Variants in KLHL29 observed in about 807,000 individuals in gnomAD.
KLHL29 encodes kelch like family member 29.
KLHL29 carries 21 observed loss-of-function variants against 80.4 expected under a neutral mutation model. That is an observed-to-expected ratio of 0.26 (90% CI 0.19 to 0.38). The LOEUF is 0.38. KLHL29 is among the 10% of genes least tolerant of loss of function. KLHL29 has a pLI of 1.00. For missense variants in KLHL29, 867 were observed against 1,223.9 expected, an observed-to-expected ratio of 0.71 and a Z score of 4.35; for synonymous variants, 511 against 526.8, an observed-to-expected ratio of 0.97 and a Z score of 0.41.
At chr2:23,399,561 G>A (rs113735963) in intron 1 of KLHL29, among the ~76,000 whole-genome samples, 12 of 152,306 alleles carry the variant, frequency 7.9e-5, no homozygotes, top group South Asian at 2.1e-4. Context: ...ATTGCATTGC[G>A]TTTATTTATT....
At chr2:23,651,984 AG>A (rs1670099826) in intron 5 of KLHL29, among the ~76,000 whole-genome samples, 2 of 152,188 alleles carry the variant, frequency 1.3e-5, no homozygotes, top group South Asian at 4.1e-4. Context: ...ATTGGGGATT[AG>A]GGCTTCAACA....
chr2:23,653,419 G>T (rs911431677), intron 5 of KLHL29, among the ~76,000 whole-genome samples: 10 of 152,182 alleles, frequency 6.6e-5, no homozygotes, highest in Admixed American at 6.5e-4. Context: ...GGCCGCACTG[G>T]GCCAGCTCTT....
At chr2:23,578,865 C>G (rs1417338615) in intron 3 of KLHL29, among the ~76,000 whole-genome samples, 1 of 152,212 alleles carries the variant, frequency 6.6e-6, no homozygotes, top group Non-Finnish European at 1.5e-5. Flanking sequence ...CAATAGTACT[C>G]AACAGTCTAC....
chr2:23,669,758 C>T lies in KLHL29; in HGVS notation c.941-14641C>T, dbSNP rs1304934724. Among the ~76,000 whole-genome samples the T allele has an allele frequency of 1.3e-5, 2 of 152,150 alleles. No homozygotes were observed. The highest frequency in any genetic ancestry group is 2.4e-5 in the African/African-American group (1 of 41,430). ...TGCCCAGCTCATTTAGAGCTGAGGC[C>T]CCCAGAACCCAGGGCTGCAGCCGAG... On this transcript the variant is annotated intron_variant, in intron 5 of 13. Transcript: ENST00000486442. The surrounding 1 kb of genome is among the most constrained non-coding windows in gnomAD (Gnocchi z 4.3).
intron 5 of KLHL29, among the ~76,000 whole-genome samples, chr2:23,656,589 C>A (rs535613342): frequency 6.6e-6 from 1 of 152,244 alleles, no homozygotes; most frequent in African/African-American, 2.4e-5. Flanking sequence ...GCTGAGTGAT[C>A]GCCTTCCCGT....
intron 3 of KLHL29, among the ~76,000 whole-genome samples, chr2:23,597,399 ATATATATATTTTT>A (rs1572427054): frequency 2.5e-5 from 2 of 79,738 alleles, no homozygotes; most frequent in African/African-American, 5.1e-5. Flanking sequence ...ATATATATAT[ATATATATATTTTT>A]TTTTTTTTTT....
intron 2 of KLHL29, among the ~76,000 whole-genome samples, chr2:23,531,192 T>C (rs1323324671): frequency 6.6e-6 from 1 of 152,216 alleles, no homozygotes; most frequent in East Asian, 1.9e-4. Context: ...AAATAAATAG[T>C]GAGCGAAAGT....
intron 2 of KLHL29, among the ~76,000 whole-genome samples, chr2:23,531,951 G>A (rs571480097): frequency 1.3e-5 from 2 of 152,260 alleles, no homozygotes; most frequent in South Asian, 2.1e-4. Context: ...GAACCAAGTC[G>A]CCACGACTCC....
chr2:23,398,796 G>A (rs1666516636), intron 1 of KLHL29, among the ~76,000 whole-genome samples: 1 of 152,210 alleles, frequency 6.6e-6, no homozygotes, highest in African/African-American at 2.4e-5. Flanking sequence ...ATATTCCAGG[G>A]TTTTATGTGT....
At chr2:23,679,954 G>A (rs759655020) in intron 5 of KLHL29, among the ~76,000 whole-genome samples, 22 of 152,206 alleles carry the variant, frequency 1.4e-4, no homozygotes, top group Non-Finnish European at 2.2e-4. Flanking sequence ...AGGAGGCTTC[G>A]CTGGGGAGCA....
At chr2:23,468,961 C>T (rs990542535) in intron 1 of KLHL29, among the ~76,000 whole-genome samples, 1 of 152,246 alleles carries the variant, frequency 6.6e-6, no homozygotes. Flanking sequence ...TGGGCCTGAC[C>T]AGGCCCCTGG....
At chr2:23,589,876 T>A (rs2103515246) in intron 3 of KLHL29, among the ~76,000 whole-genome samples, 1 of 152,348 alleles carries the variant, frequency 6.6e-6, no homozygotes, top group South Asian at 2.1e-4. Context: ...CAGGTGAGGC[T>A]GCCATGTACA....
intron 1 of KLHL29, among the ~76,000 whole-genome samples, chr2:23,468,120 G>A (rs775359279): frequency 6.6e-5 from 10 of 152,172 alleles, no homozygotes; most frequent in South Asian, 4.2e-4. Flanking sequence ...AACAACCATC[G>A]ATGTTTAGTG....
At chr2:23,701,040 G>GAC (rs1672332867) in intron 11 of KLHL29, among the ~76,000 whole-genome samples, 1 of 152,152 alleles carries the variant, frequency 6.6e-6, no homozygotes, top group Non-Finnish European at 1.5e-5. Flanking sequence ...ATATCTGACT[G>GAC]TCTGCTGCAC....
chr2:23,479,056 G>T (rs1388098729), intron 2 of KLHL29, among the ~76,000 whole-genome samples: 1 of 151,536 alleles, frequency 6.6e-6, no homozygotes. Flanking sequence ...GGCCTCCGTG[G>T]TGTCCACCTC....
At chr2:23,486,953 A>G (rs1429220179) in intron 2 of KLHL29, among the ~76,000 whole-genome samples, 1 of 152,180 alleles carries the variant, frequency 6.6e-6, no homozygotes, top group African/African-American at 2.4e-5. Context: ...TTCTCGTGGA[A>G]TCCTCCCAGT....
At chr2:23,706,370 C>G (rs532877996) in intron 13 of KLHL29, 111 bp from the exon 14 acceptor site, 3 of 782,300 alleles carry the variant, frequency 3.8e-6, no homozygotes, top group African/African-American at 3.6e-5. Flanking sequence ...ATCCCAGATG[C>G]CTTCTGCAAA....
rs1193532280 is a variant in KLHL29, at chr2:23,681,646, C to A, written c.941-2753C>A. Among the ~76,000 whole-genome samples, 3 of 152,276 alleles carry A rather than the reference C, an allele frequency of 2.0e-5. No homozygotes were observed. The East Asian group carries it at 5.8e-4, about 29-fold the overall frequency. The stretch of plus-strand genomic sequence containing the variant: ...AAGCAGGTGTCTCTGCCCTTCTGTG[C>A]TAGAGGAAACAGAGGCCCAGAAAGC... On this transcript the variant is annotated intron_variant, in intron 5 of 13. Coordinates refer to ENST00000486442, the MANE Select transcript of KLHL29 (RefSeq NM_052920.2). This position sits in a 1 kb window ranked among gnomAD's most constrained non-coding sequence, Gnocchi z 4.2.
chr2:23,387,709 G>T (rs755915459), intron 1 of KLHL29, among the ~76,000 whole-genome samples: 1 of 152,078 alleles, frequency 6.6e-6, no homozygotes, highest in Non-Finnish European at 1.5e-5. Flanking sequence ...CATAATCTAG[G>T]TGTTTATACA....
Sources: allele counts gnomAD v4.1 joint callset (sites outside exome capture counted in the v4.1 genomes callset), GRCh38; gene constraint gnomAD v4.1.1; non-coding constraint Gnocchi (gnomAD v3.1); transcripts MANE v1.5; gene names NCBI Gene and HGNC (gene_info 2026-07-23, HGNC 2026-07-21).